Variants in ATP8B1 observed in about 807,000 individuals in gnomAD.
ATP8B1 encodes the protein ATPase phospholipid transporting 8B1.
ATP8B1 carries 80 observed loss-of-function variants against 149.9 expected under a neutral mutation model. The observed-to-expected ratio is 0.53, with a 90% CI of 0.45 to 0.64. ATP8B1 has a LOEUF of 0.64. ATP8B1 is among the 30% of genes least tolerant of loss of function. ATP8B1 has a pLI of 0.00. For synonymous variants in ATP8B1, 536 were observed against 562.8 expected, an observed-to-expected ratio of 0.95 and a Z score of 0.67; for missense variants, 1,247 against 1,552.6, an observed-to-expected ratio of 0.80 and a Z score of 3.31.
intron 8 of ATP8B1, among the ~76,000 whole-genome samples, chr18:57,697,362 C>T (rs1039448032): frequency 8.5e-5 from 13 of 152,108 alleles, no homozygotes; most frequent in Non-Finnish European, 1.6e-4. Context: ...TCTGTCTGGA[C>T]GCTGCTCAGC....
In ATP8B1 at chr18:57,784,876, C is replaced by T. The variant is rs544830984; in HGVS notation, c.-26+18122G>A. ...AGTATCCCTGGCCTTGACCACTGGA[C>T]GCTTGTAGCATCCTGAATTGTGACA... is the stretch of plus-strand genomic sequence containing the variant. On this transcript the variant is annotated intron_variant, in intron 1 of 27. Transcript: ENST00000648908. The surrounding 1 kb of genome is among the most constrained non-coding windows in gnomAD (Gnocchi z 4.4). 1.1e-4 allele frequency among the ~76,000 whole-genome samples: 16 copies of T among 152,236 alleles called. 1 individual carries two copies. Among genetic ancestry groups the T allele is most frequent in the Admixed American group, 9.8e-4 (15 of 15,300 alleles).
intron 8 of ATP8B1, among the ~76,000 whole-genome samples, chr18:57,696,516 T>G (rs139968790): frequency 1.4e-3 from 211 of 147,012 alleles, no homozygotes; most frequent in Non-Finnish European, 2.5e-3. Context: ...AATTAAGAAG[T>G]GGTTAATTGG....
intron 1 of ATP8B1, among the ~76,000 whole-genome samples, chr18:57,744,126 C>A (rs1443144701): frequency 6.6e-6 from 1 of 151,948 alleles, no homozygotes; most frequent in Non-Finnish European, 1.5e-5. Context: ...ACCAGCCTGG[C>A]CAAGACAGTG....
chr18:57,668,019 T>C (rs1910984449), intron 19 of ATP8B1: 2 of 1,232,176 alleles, frequency 1.6e-6, no homozygotes, highest in African/African-American at 3.1e-5. Context: ...TACAATTTTA[T>C]TGCCAAGCAA....
chr18:57,790,336 T>A (rs2080451855), intron 1 of ATP8B1, among the ~76,000 whole-genome samples: 1 of 147,808 alleles, frequency 6.8e-6, no homozygotes. Flanking sequence ...ACCAACCCAT[T>A]CCCCATATCG....
At chr18:57,668,751 A>G (rs2122707447) in intron 18 of ATP8B1, 1 of 511,834 alleles carries the variant, frequency 2.0e-6, no homozygotes, top group Non-Finnish European at 3.4e-6. Context: ...TCCCTAAAGG[A>G]TGAACTATTT....
At chr18:57,713,203 C>T (rs1212852943) in intron 2 of ATP8B1, among the ~76,000 whole-genome samples, 20 of 103,596 alleles carry the variant, frequency 1.9e-4, no homozygotes, top group African/African-American at 3.9e-4. Flanking sequence ...TTCTTTCCTT[C>T]CTTCCTTCCT....
intron 1 of ATP8B1, among the ~76,000 whole-genome samples, chr18:57,785,693 A>G (rs553902907): frequency 6.6e-6 from 1 of 152,082 alleles, no homozygotes; most frequent in Non-Finnish European, 1.5e-5. Flanking sequence ...TTTAGTAGAG[A>G]TGGGGTTTCA....
At chr18:57,757,350 C>G (rs1311603459) in intron 1 of ATP8B1, among the ~76,000 whole-genome samples, 2 of 152,152 alleles carry the variant, frequency 1.3e-5, no homozygotes, top group African/African-American at 4.8e-5. Context: ...CCTGCCCCAG[C>G]CTGTAATCAG....
intron 1 of ATP8B1, among the ~76,000 whole-genome samples, chr18:57,774,061 C>T (rs1316917391): frequency 6.6e-6 from 1 of 152,188 alleles, no homozygotes; most frequent in African/African-American, 2.4e-5. Context: ...CTCTCTTTCC[C>T]TCTCATCTAC....
rs1909699099 is a variant in ATP8B1, at chr18:57,652,608, A to C, written c.3137T>G (p.Ile1046Ser). 2 of 1,614,158 alleles carry C rather than the reference A, an allele frequency of 1.2e-6. No homozygotes were observed. The highest frequency in any genetic ancestry group is 1.7e-6 in the Non-Finnish European group (2 of 1,180,022). Residue 1046 changes from isoleucine to serine, a missense_variant, in exon 25 of 28, where the codon ATC becomes AGC. Physicochemically the swap from Ile to Ser is moderately radical, Grantham distance 142 (BLOSUM62 -2). Around this residue, in one of 3 missense-constraint regions of ATP8B1, gnomAD observed 230 missense variants for 356.6 expected, o/e 0.65. Transcript: ENST00000648908. ...SLLHGVLTSM[I>S]LFFIPLGAYL... ...AGCTCCAAGAGGTATGAAGAAGAGG[A>C]TCATCGATGTTAGGACCCCATGCAA...
chr18:57,710,673 C>T (rs968537080), intron 2 of ATP8B1, among the ~76,000 whole-genome samples: 2 of 152,210 alleles, frequency 1.3e-5, no homozygotes, highest in African/African-American at 4.8e-5. Flanking sequence ...ATGCTGTTCT[C>T]GCTGAGGCTG....
intron 1 of ATP8B1, among the ~76,000 whole-genome samples, chr18:57,780,814 T>G (rs2080349806): frequency 6.6e-6 from 1 of 152,210 alleles, no homozygotes; most frequent in Non-Finnish European, 1.5e-5. Flanking sequence ...CTTTCTCTCT[T>G]TTGTTTTTCC....
intron 1 of ATP8B1, among the ~76,000 whole-genome samples, chr18:57,801,710 TC>T (rs758451680): frequency 6.6e-6 from 1 of 152,238 alleles, no homozygotes; most frequent in South Asian, 2.1e-4. Context: ...TCTCCAAACA[TC>T]CCACTAGTTT....
At chr18:57,777,631 G>A (rs1438616777) in intron 1 of ATP8B1, among the ~76,000 whole-genome samples, 1 of 151,640 alleles carries the variant, frequency 6.6e-6, no homozygotes, top group Admixed American at 6.6e-5. Context: ...TGCACCGGTG[G>A]GATCTCGGCT....
At chr18:57,717,125 T>G (rs565287190) in intron 2 of ATP8B1, among the ~76,000 whole-genome samples, 146 of 152,110 alleles carry the variant, frequency 9.6e-4, no homozygotes, top group Non-Finnish European at 1.7e-3. Context: ...TTCAAACAAA[T>G]GATAATGGAA....
intron 1 of ATP8B1, among the ~76,000 whole-genome samples, chr18:57,758,041 A>G (rs1480665644): frequency 6.6e-6 from 1 of 152,060 alleles, no homozygotes; most frequent in East Asian, 1.9e-4. Context: ...TGGGGGTCTC[A>G]CCGTGTAGCT....
At position 57,802,396 on chromosome 18, in the gene ATP8B1, C is replaced by T. The variant is rs934449051; in HGVS notation, c.-26+602G>A. On this transcript the variant is annotated intron_variant, in intron 1 of 27. Transcript: ENST00000648908. This position sits in a 1 kb window ranked among gnomAD's most constrained non-coding sequence, Gnocchi z 4.9. The stretch of plus-strand genomic sequence containing the variant: ...GTCGGTCTTCCCCATCACCTCCCCT[C>T]CCCATCCCACAATAAAGCGCACGGA... Among the ~76,000 whole-genome samples the T allele has an allele frequency of 6.6e-6, 1 of 152,186 alleles. No homozygotes were observed. The highest frequency in any genetic ancestry group is 2.1e-4 in the South Asian group (1 of 4,830).
In ATP8B1 at chr18:57,761,996, C is replaced by T. The variant is rs1020330404; in HGVS notation, c.-25-30164G>A. ...TTATTACTGAATAGTTTTAGGTTTA[C>T]GGAAAAATGGAGTGGCAATCCCCAC... On this transcript the variant is annotated intron_variant, in intron 1 of 27. Coordinates refer to ENST00000648908, the MANE Select transcript of ATP8B1 (RefSeq NM_001374385.1). Among the ~76,000 whole-genome samples the T allele has an allele frequency of 4.8e-5, 7 of 146,672 alleles. No homozygotes were observed. The East Asian group carries it at 8.0e-4, about 17-fold the overall frequency.
Sources: gnomAD v4.1 joint callset for allele counts (sites outside exome capture counted in the v4.1 genomes callset) on GRCh38, gnomAD v4.1.1 for gene constraint, gnomAD v4.1.1 regional missense constraint, Gnocchi (gnomAD v3.1) non-coding constraint, MANE v1.5 for transcripts, NCBI Gene and HGNC (gene_info 2026-07-23, HGNC 2026-07-21) for gene names.